The following BSN variants were observed in gnomAD, a reference collection of about 807,000 sequenced individuals.
The protein encoded by BSN is protein bassoon.
In BSN, 57 loss-of-function variants were observed where a neutral mutation model predicts 264.8. That is an observed-to-expected ratio of 0.22 (90% CI 0.17 to 0.27). The LOEUF (loss-of-function observed/expected upper bound fraction) is 0.27. Ranked by LOEUF, BSN falls within the 10% of genes least tolerant of loss-of-function variation. BSN has a pLI of 1.00. For missense variants in BSN, 4,615 were observed against 5,232.5 expected (o/e 0.88, Z 3.64); for synonymous variants, 2,059 against 2,137.3 (o/e 0.96, Z 1.01).
intron 1 of BSN, among the ~76,000 whole-genome samples, chr3:49,607,042 A>G (rs2052158802): frequency 6.6e-6 from 1 of 152,056 alleles, no homozygotes; most frequent in Non-Finnish European, 1.5e-5. Context: ...GCAGACCCCC[A>G]TGCACTTGCC....
chr3:49,657,545 C>T lies in BSN; in HGVS notation c.7989C>T (p.Ser2663=), dbSNP rs921801511. The change falls in exon 5 of 12, where the codon AGC becomes AGT. Residue 2663 remains serine (S), a synonymous_variant. Coordinates refer to ENST00000296452, the MANE Select transcript of BSN (RefSeq NM_003458.4). ...SAAATVRAMS[S]VGIQTISDCS... The stretch of plus-strand genomic sequence containing the variant: ...CTGCCACTGTGAGGGCCATGAGCAG[C>T]GTGGGCATCCAGACCATCAGTGACT... The T allele has an allele frequency of 6.8e-6, 11 of 1,613,088 alleles. No individual in the cohort carries two copies. Among genetic ancestry groups the T allele is most frequent in the African/African-American group, 5.3e-5 (4 of 74,940 alleles).
chr3:49,651,737 G>A lies in BSN; in HGVS notation c.2181G>A (p.Val727=). 1 of 1,613,758 alleles carries A rather than the reference G, an allele frequency of 6.2e-7. No individual in the cohort carries two copies. The highest frequency in any genetic ancestry group is 1.3e-5 in the African/African-American group (1 of 75,038). ...HPPSPSEIHK[V]GSSMRPLLQA... Reference sequence around the variant, plus strand: ...CCAGCCCCTCCGAGATCCACAAGGTGGGGAGCAGCATGCGGCCTTTGCTGC... The same window carrying A: ...CCAGCCCCTCCGAGATCCACAAGGTAGGGAGCAGCATGCGGCCTTTGCTGC... The change falls in exon 5 of 12, where the codon GTG becomes GTA. Residue 727 remains valine (V), a synonymous_variant. Coordinates refer to ENST00000296452, the MANE Select transcript of BSN (RefSeq NM_003458.4). The surrounding 1 kb of genome is among the most constrained non-coding windows in gnomAD (Gnocchi z 5.4).
In BSN at chr3:49,656,799, G is replaced by T; in HGVS notation, c.7243G>T (p.Glu2415Ter). ...REEEQLLVQR[E>*]LQELQTIKHH... ...GGAGGAGCAGCTGCTGGTGCAGCGG[G>T]AGTTGCAGGAGCTGCAGACCATCAA... Residue 2415 changes from glutamate to a stop codon, truncating the protein, a stop_gained, in exon 5 of 12, where the codon GAG becomes TAG. Coordinates refer to ENST00000296452, the MANE Select transcript of BSN (RefSeq NM_003458.4). LOFTEE classifies it high-confidence loss of function. 1 of 1,591,118 alleles carries T rather than the reference G, an allele frequency of 6.3e-7. No homozygotes were observed. Among genetic ancestry groups the T allele is most frequent in the Non-Finnish European group, 8.6e-7 (1 of 1,169,424 alleles).
Position 49,657,583 on chromosome 3 carries a change from C to T in BSN, c.8027C>T (p.Thr2676Met), listed in dbSNP as rs375618747. The change falls in exon 5 of 12, where the codon ACG becomes ATG. Residue 2676 changes from threonine (T) to methionine (M), a missense_variant. Thr to Met is a moderately conservative substitution (Grantham distance 81). Around this residue, in one of 3 missense-constraint regions of BSN, gnomAD observed 3,415 missense variants for 3,866.4 expected, o/e 0.88. Transcript: ENST00000296452. ...IQTISDCSVQ[T>M]EPDQLPRVSP... ...ACCATCAGTGACTGCTCCGTGCAGA[C>T]GGAGCCTGACCAGCTGCCCAGGGTC... 8.7e-6 allele frequency: 14 copies of T among 1,612,316 alleles called. No individual in the cohort carries two copies. The highest frequency in any genetic ancestry group is 4.5e-5 in the East Asian group (2 of 44,872).
chr3:49,610,110 G>A lies in BSN; in HGVS notation c.225-14865G>A, dbSNP rs75908923. Among the ~76,000 whole-genome samples the A allele has an allele frequency of 5.3e-3, 800 of 152,284 alleles. 4 individuals carry two copies. The highest frequency in any genetic ancestry group is 0.027 in the Middle Eastern group (8 of 294). ...CCCCTCTTCCCCATGGCTTCCTCCA[G>A]GGTTTTCTGAGACTCTGCCAGTCCA... On this transcript the variant is annotated intron_variant, in intron 1 of 11. Transcript: ENST00000296452.
In BSN at chr3:49,651,465, G is replaced by A. The variant is rs2052540538; in HGVS notation, c.1987-78G>A. ...TGGACAGACTCTTCCCCAGGGTCCT[G>A]GGATTGACAGGGAGGATTGGGTTCC... is the stretch of plus-strand genomic sequence containing the variant. On this transcript the variant is annotated intron_variant, in intron 4 of 11. Coordinates refer to ENST00000296452, the MANE Select transcript of BSN (RefSeq NM_003458.4). This position sits in a 1 kb window ranked among gnomAD's most constrained non-coding sequence, Gnocchi z 5.4. The A allele has an allele frequency of 1.4e-6, 2 of 1,442,940 alleles. No homozygotes were observed. The highest frequency in any genetic ancestry group is 2.8e-5 in the African/African-American group (2 of 70,358). 89.4% of individuals were successfully genotyped at this position (1,442,940 alleles called of 1,614,324 possible).
intron 1 of BSN, among the ~76,000 whole-genome samples, chr3:49,557,834 G>A (rs1452460069): frequency 6.6e-6 from 1 of 152,118 alleles, no homozygotes; most frequent in Non-Finnish European, 1.5e-5. Context: ...CAAAGTGCTG[G>A]GATTACAGGC....
chr3:49,570,608 G>A (rs2051788328), intron 1 of BSN, among the ~76,000 whole-genome samples: 1 of 152,128 alleles, frequency 6.6e-6, no homozygotes, highest in Admixed American at 6.5e-5. Flanking sequence ...AGGGGCAGAC[G>A]CCAGAGCTAC....
rs76480750 is a variant in BSN at position 49,644,388 on chromosome 3, C to T, written c.1518+1236C>T. ...TGACTTCCCTTGGGCCAGGACTCCA[C>T]AGGAGTCCCCGTGGGACCCCAGCAT... On this transcript the variant is annotated intron_variant, in intron 3 of 11. Transcript: ENST00000296452. 3.3e-5 allele frequency among the ~76,000 whole-genome samples: 5 copies of T among 152,270 alleles called. No homozygotes were observed. The East Asian group carries it at 9.7e-4, about 29-fold the overall frequency.
In BSN at chr3:49,653,212, C is replaced by G. The variant is rs748041129; in HGVS notation, c.3656C>G (p.Thr1219Arg). 3.1e-6 allele frequency: 5 copies of G among 1,611,246 alleles called. No individual in the cohort carries two copies. The highest frequency in any genetic ancestry group is 4.2e-6 in the Non-Finnish European group (5 of 1,179,496). ...RGPHGGPSQP[T>R]GPRGLGSFEY... ...CCCCATGGCGGCCCCTCTCAGCCCACAGGCCCCCGGGGCCTGGGCTCCTTC... is the reference window on the plus strand; with the variant it reads ...CCCCATGGCGGCCCCTCTCAGCCCAGAGGCCCCCGGGGCCTGGGCTCCTTC... The change falls in exon 5 of 12, where the codon ACA (threonine) becomes AGA (arginine). Residue 1219 changes from threonine to arginine, a missense_variant. Thr to Arg is a moderately conservative substitution (Grantham distance 71). Coordinates refer to ENST00000296452, the MANE Select transcript of BSN (RefSeq NM_003458.4). This position sits in a 1 kb window ranked among gnomAD's most constrained non-coding sequence, Gnocchi z 6.3.
chr3:49,592,380 A>G (rs1351084284), intron 1 of BSN, among the ~76,000 whole-genome samples: 1 of 147,478 alleles, frequency 6.8e-6, no homozygotes, highest in Non-Finnish European at 1.5e-5. Context: ...AAGTGCTGGG[A>G]TTACAGGCGT....
At chr3:49,557,577 T>C (rs1027452163) in intron 1 of BSN, among the ~76,000 whole-genome samples, 1 of 143,414 alleles carries the variant, frequency 7.0e-6, no homozygotes, top group Non-Finnish European at 1.5e-5. Flanking sequence ...ACCTGTCAGT[T>C]TTTTTTTTTT....
In BSN at chr3:49,566,558, G is replaced by A. The variant is rs373960153; in HGVS notation, c.224+11732G>A. Among the ~76,000 whole-genome samples the A allele has an allele frequency of 3.9e-5, 6 of 152,102 alleles. No individual in the cohort carries two copies. The East Asian group carries it at 1.2e-3, about 29-fold the overall frequency. On this transcript the variant is annotated intron_variant, in intron 1 of 11. Transcript: ENST00000296452. ...TCAGCACTTTGGGAAGCTGGGATGG[G>A]CAGATTGCTTGAGCCCAGGAGTTTG...
intron 9 of BSN, 22 bp from the exon 10 acceptor site, chr3:49,664,777 C>G (rs762544051): frequency 1.2e-6 from 2 of 1,613,852 alleles, no homozygotes; most frequent in Non-Finnish European, 8.5e-7. Flanking sequence ...CCTGATGGCT[C>G]TCTCCTCTTT....
chr3:49,663,675 A>G lies in BSN; in HGVS notation c.11508+9A>G, dbSNP rs754614298. The G allele has an allele frequency of 3.7e-6, 6 of 1,602,332 alleles. No homozygotes were observed. In the Admixed American group the frequency reaches 1.0e-4, roughly 27 times the overall value. ...CTCAACCAGCAGGACCGGTAAGCAG[A>G]GCTCCCATGCATGGGTTGTAACCAG... On this transcript the variant is annotated intron_variant, in intron 7 of 11. Transcript: ENST00000296452.
chr3:49,666,467 C>T (rs1230024214), intron 11 of BSN, among the ~76,000 whole-genome samples: 4 of 152,208 alleles, frequency 2.6e-5, no homozygotes, highest in Non-Finnish European at 4.4e-5. Flanking sequence ...GCTGACAATC[C>T]ATTAAAGGAG....
At chr3:49,563,365 G>C (rs1223421449) in intron 1 of BSN, among the ~76,000 whole-genome samples, 2 of 152,168 alleles carry the variant, frequency 1.3e-5, no homozygotes, top group Non-Finnish European at 2.9e-5. Flanking sequence ...AGCTGTGCTC[G>C]GCTGCTTATC....
chr3:49,579,769 AT>A (rs35451560), intron 1 of BSN, among the ~76,000 whole-genome samples: 76,654 of 150,832 alleles, frequency 0.51, 20,834 homozygotes, highest in East Asian at 0.93. Context: ...AGTCTGTTAA[AT>A]TTTTTTAAGC....
At chr3:49,564,399 GT>G (rs2051737818) in intron 1 of BSN, among the ~76,000 whole-genome samples, 1 of 152,336 alleles carries the variant, frequency 6.6e-6, no homozygotes, top group Admixed American at 6.5e-5. Flanking sequence ...TCTCTGCTAT[GT>G]TTTCTCTGGT....
Sources: gnomAD v4.1 joint callset for allele counts (sites outside exome capture counted in the v4.1 genomes callset) on GRCh38, gnomAD v4.1.1 for gene constraint, gnomAD v4.1.1 regional missense constraint, Gnocchi (gnomAD v3.1) non-coding constraint, MANE v1.5 for transcripts, NCBI Gene and HGNC (gene_info 2026-07-23, HGNC 2026-07-21) for gene names.